The following ANO10 variants were observed in gnomAD, a reference collection of about 807,000 sequenced individuals.
ANO10 encodes anoctamin-10.
A neutral mutation model predicts 74.7 loss-of-function variants in ANO10; 77 were observed. That is an observed-to-expected ratio of 1.03 (90% CI 0.86 to 1.25). The LOEUF (loss-of-function observed/expected upper bound fraction) is 1.25, where lower values mean the gene tolerates loss of function less well. ANO10 is among the 50% of genes most tolerant of loss of function. ANO10 has a pLI of 0.00. For synonymous variants in ANO10, 279 were observed against 284.9 expected (o/e 0.98, Z 0.21); for missense variants, 721 against 778.1 (o/e 0.93, Z 0.87).
Position 43,576,884 on chromosome 3 carries a change from G to A in ANO10, c.970C>T (p.Leu324Phe). 1.2e-6 allele frequency: 2 copies of A among 1,614,184 alleles called. No individual in the cohort carries two copies. Among genetic ancestry groups the A allele is most frequent in the Non-Finnish European group, 1.7e-6 (2 of 1,180,038 alleles). ...IYLVSLPFVC[L>F]CLYFSLYVMM... is the part of the protein sequence containing the mutation. ...ACATACAGTGAGAAATAGAGGCAGAGGCACACGAATGGCAGGGAGACCAGG... is the reference window on the plus strand; with the variant it reads ...ACATACAGTGAGAAATAGAGGCAGAAGCACACGAATGGCAGGGAGACCAGG... Residue 324 changes from leucine (L) to phenylalanine (F), a missense_variant, in exon 6 of 13, where the codon CTC becomes TTC. Transcript: ENST00000292246.
At chr3:43,539,280 CAG>C (rs1263521184) in intron 11 of ANO10, among the ~76,000 whole-genome samples, 2 of 152,028 alleles carry the variant, frequency 1.3e-5, no homozygotes, top group African/African-American at 2.4e-5. Context: ...TTGCAAAGAA[CAG>C]GGGTTTCTTA....
chr3:43,688,243 C>T (rs2084300054), intron 1 of ANO10, among the ~76,000 whole-genome samples: 1 of 152,138 alleles, frequency 6.6e-6, no homozygotes, highest in East Asian at 1.9e-4. Context: ...GACCAAAGCG[C>T]TACAGGAGTT....
chr3:43,442,874 G>A (rs2093181292), intron 11 of ANO10, among the ~76,000 whole-genome samples: 1 of 152,120 alleles, frequency 6.6e-6, no homozygotes, highest in Non-Finnish European at 1.5e-5. Flanking sequence ...GCCATCCTTT[G>A]GTATAGATTG....
At chr3:43,557,769 A>G (rs2079830295) in intron 9 of ANO10, among the ~76,000 whole-genome samples, 2 of 146,920 alleles carry the variant, frequency 1.4e-5, no homozygotes. Flanking sequence ...CGTTTTGTTT[A>G]TGTGAGTTTA....
At chr3:43,593,180 A>C (rs2081889402) in intron 4 of ANO10, among the ~76,000 whole-genome samples, 1 of 152,220 alleles carries the variant, frequency 6.6e-6, no homozygotes, top group Non-Finnish European at 1.5e-5. Flanking sequence ...AGTTGGAAAC[A>C]CTCTTCAGGA....
At chr3:43,414,091 T>G (rs898031854) in intron 12 of ANO10, among the ~76,000 whole-genome samples, 7 of 151,992 alleles carry the variant, frequency 4.6e-5, no homozygotes, top group African/African-American at 1.7e-4. Context: ...AAAGGATGCA[T>G]GAGCACCAGC....
chr3:43,468,140 C>T (rs1043698896), intron 11 of ANO10, among the ~76,000 whole-genome samples: 1 of 152,184 alleles, frequency 6.6e-6, no homozygotes, highest in African/African-American at 2.4e-5. Context: ...GCCATAATGT[C>T]TAATAATTTT....
Position 43,682,830 on chromosome 3 carries a change from C to T in ANO10, c.-12+8687G>A, listed in dbSNP as rs560400848. Among the ~76,000 whole-genome samples the T allele has an allele frequency of 4.7e-4, 72 of 152,262 alleles. 1 individual carries two copies. Among genetic ancestry groups the T allele is most frequent in the African/African-American group, 1.7e-3 (69 of 41,562 alleles). On this transcript the variant is annotated intron_variant, in intron 1 of 3. Transcript: ENST00000413397. ...TATAAACAGAACCAACGACAAAAAA[C>T]ACATGATTATCTCAATAGATGCAGA...
intron 1 of ANO10, among the ~76,000 whole-genome samples, chr3:43,612,871 T>C (rs770385612): frequency 6.6e-6 from 1 of 152,102 alleles, no homozygotes; most frequent in Non-Finnish European, 1.5e-5. Context: ...AATGTTGGAT[T>C]AAAATTATAC....
intron 8 of ANO10, among the ~76,000 whole-genome samples, chr3:43,562,408 C>T (rs192230585): frequency 2.4e-3 from 356 of 146,100 alleles, no homozygotes; most frequent in South Asian, 0.012. Context: ...GCCAAGATCG[C>T]GCCACTGCAC....
chr3:43,578,066 T>C, intron 5 of ANO10, among the ~76,000 whole-genome samples: 1 of 152,184 alleles, frequency 6.6e-6, no homozygotes, highest in East Asian at 1.9e-4. Context: ...CAGTTGGTGT[T>C]ATTATTTCTT....
intron 4 of ANO10, among the ~76,000 whole-genome samples, chr3:43,586,962 A>T (rs1241233353): frequency 1.3e-5 from 2 of 152,208 alleles, no homozygotes; most frequent in African/African-American, 4.8e-5. Flanking sequence ...AATATGTAAG[A>T]GCCCACATAT....
intron 11 of ANO10, among the ~76,000 whole-genome samples, chr3:43,531,527 T>TA (rs1387205275): frequency 1.3e-5 from 2 of 152,142 alleles, no homozygotes; most frequent in Admixed American, 1.3e-4. Flanking sequence ...CTTATTGGTA[T>TA]AAAAAATAAA....
At chr3:43,477,846 C>T (rs1002679549) in intron 11 of ANO10, among the ~76,000 whole-genome samples, 1 of 152,182 alleles carries the variant, frequency 6.6e-6, no homozygotes, top group Non-Finnish European at 1.5e-5. Context: ...GCCATTATCA[C>T]TTACAATTGG....
chr3:43,381,602 CA>C (rs1234500324), intron 12 of ANO10, among the ~76,000 whole-genome samples: 1 of 152,144 alleles, frequency 6.6e-6, no homozygotes, highest in Non-Finnish European at 1.5e-5. Flanking sequence ...ATGAAATAGA[CA>C]GCAACACGAT....
At chr3:43,436,073 G>A (rs978162015) in intron 11 of ANO10, among the ~76,000 whole-genome samples, 1 of 152,170 alleles carries the variant, frequency 6.6e-6, no homozygotes, top group African/African-American at 2.4e-5. Context: ...CAGAATTCAA[G>A]TTAAGCATCA....
Position 43,432,605 on chromosome 3 carries a change from T to C in ANO10, c.1914+6A>G. The stretch of plus-strand genomic sequence containing the variant: ...ATACATACATTTTCAGGACAGCTGC[T>C]CTCACCTGCTGCTTGAGTGCCTCCA... On this transcript the variant is annotated splice_donor_region_variant and intron_variant, in intron 12 of 12. Coordinates refer to ENST00000292246, the MANE Select transcript of ANO10 (RefSeq NM_018075.5). 1 of 1,588,924 alleles carries C rather than the reference T, an allele frequency of 6.3e-7. No homozygotes were observed. The highest frequency in any genetic ancestry group is 1.3e-5 in the African/African-American group (1 of 74,520).
At chr3:43,626,963 C>T (rs2083498384), upstream of ANO10, among the ~76,000 whole-genome samples, 1 of 129,918 alleles carries the variant, frequency 7.7e-6, no homozygotes, top group East Asian at 2.7e-4. Flanking sequence ...CCTTCATAAC[C>T]ACCTACAATA....
intron 1 of ANO10, among the ~76,000 whole-genome samples, chr3:43,642,694 A>G (rs1003773391): frequency 6.6e-6 from 1 of 151,854 alleles, no homozygotes; most frequent in African/African-American, 2.4e-5. Flanking sequence ...TCCTATAGGT[A>G]ATTATTTTTA....
Sources: gnomAD v4.1 joint callset for allele counts (sites outside exome capture counted in the v4.1 genomes callset) on GRCh38, gnomAD v4.1.1 for gene constraint, MANE v1.5 for transcripts, NCBI Gene and HGNC (gene_info 2026-07-23, HGNC 2026-07-21) for gene names.